IFT122: variants seen among roughly 807,000 people sequenced by gnomAD.
The protein encoded by IFT122 is intraflagellar transport 122.
In IFT122, 118 loss-of-function variants were observed where a neutral mutation model predicts 161.6. The ratio of observed to expected loss-of-function variants is 0.73; its 90% CI spans 0.63 to 0.85. IFT122 has a LOEUF of 0.85. IFT122 is among the 40% of genes least tolerant of loss of function. The probability of loss-of-function intolerance (pLI) is 0.00; values close to 1 mark genes in which losing one functional copy is unlikely to be tolerated. For missense variants in IFT122, 1,381 were observed against 1,579.6 expected, an observed-to-expected ratio of 0.87 and a Z score of 2.13; for synonymous variants, 550 against 602.4, an observed-to-expected ratio of 0.91 and a Z score of 1.27.
At chr3:129,460,219 C>T (rs1246584891) in intron 4 of IFT122, among the ~76,000 whole-genome samples, 1 of 152,154 alleles carries the variant, frequency 6.6e-6, no homozygotes, top group African/African-American at 2.4e-5. Context: ...ACTCACCCTT[C>T]TCTCCTACCC....
At chr3:129,495,093 C>T (rs1307009420) in intron 17 of IFT122, among the ~76,000 whole-genome samples, 1 of 152,136 alleles carries the variant, frequency 6.6e-6, no homozygotes, top group Non-Finnish European at 1.5e-5. Context: ...ACGGGGCCTG[C>T]GGATTTGGGA....
intron 27 of IFT122, among the ~76,000 whole-genome samples, chr3:129,517,826 G>A (rs1207179974): frequency 6.6e-6 from 1 of 152,190 alleles, no homozygotes; most frequent in African/African-American, 2.4e-5. Context: ...TGGTCTTCCC[G>A]TGTGGGTCTC....
intron 2 of IFT122, among the ~76,000 whole-genome samples, chr3:129,451,609 A>G (rs996948707): frequency 2.6e-5 from 4 of 152,206 alleles, no homozygotes; most frequent in Non-Finnish European, 5.9e-5. Context: ...GCCTTGATCA[A>G]TCATATATCC....
At chr3:129,494,045 G>A (rs1034605681) in intron 17 of IFT122, among the ~76,000 whole-genome samples, 2 of 152,212 alleles carry the variant, frequency 1.3e-5, no homozygotes, top group Admixed American at 6.5e-5. Context: ...GGTGCCTTTT[G>A]GATAGGGGAG....
At chr3:129,475,735 G>A (rs376507116) in intron 9 of IFT122, among the ~76,000 whole-genome samples, 1 of 151,894 alleles carries the variant, frequency 6.6e-6, no homozygotes, top group Non-Finnish European at 1.5e-5. Context: ...GATCGCTTGA[G>A]TCCAGGAGTT....
rs930874577 is a variant in IFT122 at position 129,475,044 on chromosome 3, A to G, written c.817-1271A>G. On this transcript the variant is annotated intron_variant, in intron 9 of 29. Transcript: ENST00000348417. ...GTGGTATATGCCTCTAGTCCCAGCT[A>G]CTGGGGGTGGTGAGGGGCTGAGGCA... is the stretch of plus-strand genomic sequence containing the variant. Among the ~76,000 whole-genome samples the G allele has an allele frequency of 2.4e-4, 37 of 152,268 alleles. 2 individuals carry two copies. The highest frequency in any genetic ancestry group is 1.8e-3 in the Admixed American group (27 of 15,290).
intron 12 of IFT122, among the ~76,000 whole-genome samples, chr3:129,479,255 CAAAAAAAAA>C (rs547629384): frequency 1.2e-5 from 1 of 81,422 alleles, no homozygotes; most frequent in Admixed American, 1.4e-4. Context: ...CCATCTCCAC[CAAAAAAAAA>C]AAAAAAAAAA....
Position 129,442,299 on chromosome 3 carries a change from G to A in IFT122, c.41+1928G>A, listed in dbSNP as rs554023704. Among the ~76,000 whole-genome samples the A allele has an allele frequency of 4.6e-5, 7 of 152,224 alleles. No individual in the cohort carries two copies. The East Asian group carries it at 1.2e-3, about 25-fold the overall frequency. On this transcript the variant is annotated intron_variant, in intron 1 of 29. Transcript: ENST00000348417. ...TAAACCCGTTAAAGGCAATGGCTATGTCTTACTCGTTTCCAAATTATTCTA... is the reference window on the plus strand; with the variant it reads ...TAAACCCGTTAAAGGCAATGGCTATATCTTACTCGTTTCCAAATTATTCTA...
chr3:129,489,128 T>G (rs913972922), intron 16 of IFT122, among the ~76,000 whole-genome samples: 102 of 152,274 alleles, frequency 6.7e-4, no homozygotes, highest in African/African-American at 1.8e-3. Flanking sequence ...AGTCAATTAA[T>G]GAGCTGCTCA....
At chr3:129,450,011 C>CTTT (rs79918649) in intron 2 of IFT122, 74 bp downstream of exon 2, 48 of 779,256 alleles carry the variant, frequency 6.2e-5, no homozygotes, top group Non-Finnish European at 7.7e-5. Flanking sequence ...AAATTTGACC[C>CTTT]TTTTTTTTTT....
Position 129,515,509 on chromosome 3 carries a change from C to T in IFT122, c.3175C>T (p.Arg1059Cys), listed in dbSNP as rs368690956. The change falls in exon 26 of 30, where the codon CGC becomes TGC. Residue 1059 changes from arginine (R) to cysteine (C), a missense_variant. Arg to Cys is a radical substitution (Grantham distance 180, BLOSUM62 -3). Transcript: ENST00000348417. ...DSEELVPLCY[R>C]CSTNNPLLNN... ...GTAGGAGTTGGTGCCCTTGTGCTACCGCTGCTCCACCAACAACCCGCTGCT... is the reference window on the plus strand; with the variant it reads ...GTAGGAGTTGGTGCCCTTGTGCTACTGCTGCTCCACCAACAACCCGCTGCT... The T allele has an allele frequency of 1.1e-4, 161 of 1,533,112 alleles. No homozygotes were observed. Among genetic ancestry groups the T allele is most frequent in the Non-Finnish European group, 1.4e-4 (152 of 1,110,992 alleles). The allele number at this position is 1,533,112 out of a possible 1,614,324, so 95.0% of individuals were successfully genotyped here. A position where few individuals can be genotyped will look rare whatever the true frequency, so the allele number is the denominator to read the frequency against.
chr3:129,444,722 A>T (rs1307868962), intron 1 of IFT122, among the ~76,000 whole-genome samples: 2 of 152,020 alleles, frequency 1.3e-5, no homozygotes, highest in Non-Finnish European at 2.9e-5. Context: ...CAGTTTCACC[A>T]TGTTGGCCAG....
In IFT122 at chr3:129,451,912, A is replaced by G. The variant is rs1317149042; in HGVS notation, c.109-2A>G. ...ATAATCTGTATTTGTCTCTTTTGCCAGGTTTATGACACCTCTGATGGCACC... is the reference window on the plus strand; with the variant it reads ...ATAATCTGTATTTGTCTCTTTTGCCGGGTTTATGACACCTCTGATGGCACC... On this transcript the variant is annotated splice_acceptor_variant, in intron 2 of 29. Transcript: ENST00000348417. LOFTEE classifies it high-confidence loss of function. 2 of 1,612,382 alleles carry G rather than the reference A, an allele frequency of 1.2e-6. No individual in the cohort carries two copies. Among genetic ancestry groups the G allele is most frequent in the Non-Finnish European group, 1.7e-6 (2 of 1,178,490 alleles).
At chr3:129,461,700 T>C (rs2076232062) in intron 5 of IFT122, among the ~76,000 whole-genome samples, 1 of 152,254 alleles carries the variant, frequency 6.6e-6, no homozygotes, top group Admixed American at 6.5e-5. Context: ...TCTATGTTTA[T>C]GTGAAATTCT....
intron 1 of IFT122, among the ~76,000 whole-genome samples, chr3:129,442,582 A>C (rs372381742): frequency 0.035 from 4,426 of 126,700 alleles, 202 homozygotes; most frequent in African/African-American, 0.12. Flanking sequence ...AACTAAACAA[A>C]AAAAAAAAAG....
rs2075816002 is a variant in IFT122 at position 129,458,664 on chromosome 3, A to G, written c.259A>G (p.Ile87Val). The change falls in exon 4 of 30, where the codon ATT (isoleucine) becomes GTT (valine). Residue 87 changes from isoleucine to valine, a missense_variant. Around this residue, in one of 7 missense-constraint regions of IFT122, gnomAD observed 134 missense variants for 137.4 expected, o/e 0.98. Transcript: ENST00000348417. Reference protein sequence around the residue: ...VIIWTSKLEGILKYTHNDAIQ... With the variant: ...VIIWTSKLEGVLKYTHNDAIQ... ...TATCTGGACATCAAAACTGGAAGGC[A>G]TTCTGAAGTACACGTAAGTAACTTA... 1 of 1,612,466 alleles carries G rather than the reference A, an allele frequency of 6.2e-7. No individual in the cohort carries two copies. Among genetic ancestry groups the G allele is most frequent in the Non-Finnish European group, 8.5e-7 (1 of 1,178,430 alleles).
chr3:129,504,185 G>A (rs971243845), intron 20 of IFT122, 134 bp from the exon 21 acceptor site: 2 of 662,302 alleles, frequency 3.0e-6, no homozygotes, highest in Admixed American at 2.4e-5. Context: ...GTAGTTTTTT[G>A]GGGGAGGCAC....
chr3:129,454,528 T>TGTGTGTGTGC (rs2075239604), intron 3 of IFT122, among the ~76,000 whole-genome samples: 3 of 150,384 alleles, frequency 2.0e-5, no homozygotes, highest in African/African-American at 7.4e-5. Flanking sequence ...TGTGTGTGTG[T>TGTGTGTGTGC]GTGTGTGTGT....
At chr3:129,463,705 C>A in intron 6 of IFT122, 79 bp downstream of exon 6, 1 of 1,203,432 alleles carries the variant, frequency 8.3e-7, no homozygotes, top group Non-Finnish European at 1.2e-6. Flanking sequence ...TTTCATGCAG[C>A]AGAGAAGGTC....
Sources: allele counts gnomAD v4.1 joint callset (sites outside exome capture counted in the v4.1 genomes callset), GRCh38; gene constraint gnomAD v4.1.1; regional missense constraint gnomAD v4.1.1; transcripts MANE v1.5; gene names NCBI Gene and HGNC (gene_info 2026-07-23, HGNC 2026-07-21).